Variants in MAPRE2 observed in about 807,000 individuals in gnomAD.
MAPRE2 encodes the protein microtubule-associated protein RP/EB family member 2.
Under a neutral mutation model 43.2 loss-of-function variants are expected in MAPRE2, and 13 were observed. The ratio of observed to expected loss-of-function variants is 0.30; its 90% CI spans 0.20 to 0.48. The LOEUF is 0.48. MAPRE2 is among the 20% of genes least tolerant of loss of function. The probability of loss-of-function intolerance (pLI) is 0.99; values close to 1 mark genes in which losing one functional copy is unlikely to be tolerated. For synonymous variants in MAPRE2, 135 were observed against 148.8 expected (o/e 0.91, Z 0.68); for missense variants, 161 against 400.2 (o/e 0.40, Z 5.10).
At chr18:35,021,275 A>G (rs1455815930) in intron 2 of MAPRE2, among the ~76,000 whole-genome samples, 1 of 152,184 alleles carries the variant, frequency 6.6e-6, no homozygotes, top group Non-Finnish European at 1.5e-5. Flanking sequence ...GTGAGTTTTA[A>G]GATGACAGTC....
At chr18:35,113,279 A>G (rs751551397) in intron 4 of MAPRE2, among the ~76,000 whole-genome samples, 2 of 152,222 alleles carry the variant, frequency 1.3e-5, no homozygotes, top group Non-Finnish European at 2.9e-5. Context: ...TGGAGTTTCA[A>G]ATAGGAATCT....
At chr18:35,067,278 C>T (rs1906879112) in intron 1 of MAPRE2, among the ~76,000 whole-genome samples, 1 of 152,208 alleles carries the variant, frequency 6.6e-6, no homozygotes, top group Non-Finnish European at 1.5e-5. Context: ...AGTGCCTTGA[C>T]TTACCTTTGT....
intron 1 of MAPRE2, among the ~76,000 whole-genome samples, chr18:35,002,321 G>A (rs1399648703): frequency 6.6e-6 from 1 of 152,180 alleles, no homozygotes; most frequent in Non-Finnish European, 1.5e-5. Flanking sequence ...ATGCAGCACG[G>A]TTTGTTTAAC....
intron 2 of MAPRE2, among the ~76,000 whole-genome samples, 153 bp from the exon 3 acceptor site, chr18:35,097,292 TG>T (rs1235360430): frequency 6.6e-6 from 1 of 152,154 alleles, no homozygotes; most frequent in African/African-American, 2.4e-5. Context: ...CCAGATCCTG[TG>T]GACAAGGAGA....
intron 1 of MAPRE2, among the ~76,000 whole-genome samples, chr18:35,044,317 G>A (rs550175587): frequency 6.6e-6 from 1 of 152,278 alleles, no homozygotes; most frequent in Admixed American, 6.5e-5. Flanking sequence ...TGCAACCTCC[G>A]CCTCCCGGGT....
chr18:34,998,317 C>T (rs926389274), intron 1 of MAPRE2, among the ~76,000 whole-genome samples: 17 of 147,408 alleles, frequency 1.2e-4, no homozygotes, highest in Non-Finnish European at 1.9e-4. Context: ...CAGCATTTTT[C>T]TCTCTCTTTT....
At chr18:35,108,188 G>A (rs1277851879) in intron 4 of MAPRE2, among the ~76,000 whole-genome samples, 1 of 152,100 alleles carries the variant, frequency 6.6e-6, no homozygotes, top group Non-Finnish European at 1.5e-5. Context: ...TGTTCTCACT[G>A]TTCACTTCCC....
At chr18:35,024,762 C>A (rs958384570) in intron 2 of MAPRE2, among the ~76,000 whole-genome samples, 6 of 152,142 alleles carry the variant, frequency 3.9e-5, no homozygotes, top group African/African-American at 1.4e-4. Context: ...AGGATGGCAA[C>A]ATCTCTCATT....
chr18:35,092,259 T>C (rs1220805945), intron 2 of MAPRE2, among the ~76,000 whole-genome samples: 1 of 152,172 alleles, frequency 6.6e-6, no homozygotes, highest in Non-Finnish European at 1.5e-5. Flanking sequence ...CCATATCACC[T>C]GAAAATAGAT....
chr18:35,091,033 A>T (rs939699552), intron 2 of MAPRE2, among the ~76,000 whole-genome samples: 4 of 152,218 alleles, frequency 2.6e-5, no homozygotes, highest in South Asian at 4.1e-4. Context: ...CAATGGAAAC[A>T]TATAAAACAT....
intron 4 of MAPRE2, among the ~76,000 whole-genome samples, chr18:35,119,590 G>A (rs1411161367): frequency 1.3e-5 from 2 of 152,148 alleles, no homozygotes; most frequent in African/African-American, 4.8e-5. Context: ...GAATGAATTA[G>A]GATAATTTAG....
intron 6 of MAPRE2, among the ~76,000 whole-genome samples, chr18:35,133,561 G>A (rs681365): frequency 8.5e-5 from 13 of 152,128 alleles, no homozygotes; most frequent in Non-Finnish European, 1.9e-4. Context: ...TCTCCACAGC[G>A]CCATGAGACT....
chr18:35,096,697 CA>C (rs1252121189), intron 2 of MAPRE2, among the ~76,000 whole-genome samples: 1 of 151,802 alleles, frequency 6.6e-6, no homozygotes, highest in African/African-American at 2.4e-5. Context: ...TGGCTTATAA[CA>C]AAATTTAACA....
intron 4 of MAPRE2, among the ~76,000 whole-genome samples, chr18:35,118,838 G>T (rs1909537935): frequency 6.6e-6 from 1 of 152,156 alleles, no homozygotes; most frequent in African/African-American, 2.4e-5. Flanking sequence ...GAGTGGAGAA[G>T]GCAGGGCCTT....
Position 34,985,537 on chromosome 18 carries a change from T to TATATATATTATATATTATAA in MAPRE2, c.-70+8463_-70+8464insTATTATATATTATAAATATA, listed in dbSNP as rs1568962045. Among the ~76,000 whole-genome samples, 66 of 47,014 alleles carry TATATATATTATATATTATAA rather than the reference T, an allele frequency of 1.4e-3. 5 individuals are homozygous for TATATATATTATATATTATAA. Among genetic ancestry groups the TATATATATTATATATTATAA allele is most frequent in the African/African-American group, 5.8e-3 (62 of 10,672 alleles). The allele number at this position is 47,014 out of a possible 152,430, so 30.8% of individuals were successfully genotyped here. On this transcript the variant is annotated intron_variant, in intron 1 of 7. Coordinates refer to the MAPRE2 transcript ENST00000413393. The stretch of plus-strand genomic sequence containing the variant: ...TATATATTATATATTATAAATATAA[T>TATATATATTATATATTATAA]ATATAATATATATATTATATATTAT...
At chr18:35,134,888 C>T (rs759254386) in intron 6 of MAPRE2, among the ~76,000 whole-genome samples, 35 of 152,186 alleles carry the variant, frequency 2.3e-4, no homozygotes, top group South Asian at 1.0e-3. Flanking sequence ...TCTGGCACTG[C>T]GCTGACATCA....
intron 1 of MAPRE2, among the ~76,000 whole-genome samples, chr18:34,999,630 C>A (rs1483801656): frequency 6.6e-6 from 1 of 152,128 alleles, no homozygotes; most frequent in Non-Finnish European, 1.5e-5. Flanking sequence ...TTAATATATA[C>A]CACCCAAATC....
rs1359513279 is a variant in MAPRE2 at position 35,140,791 on chromosome 18, T to C, written c.*422T>C. 6.1e-6 allele frequency: 1 copy of C among 163,200 alleles called. No individual in the cohort carries two copies. The highest frequency in any genetic ancestry group is 2.4e-5 in the African/African-American group (1 of 41,944). The allele number at this position is 163,200 out of a possible 1,614,324, so 10.1% of individuals were successfully genotyped here. A position where few individuals can be genotyped will look rare whatever the true frequency, so the allele number is the denominator to read the frequency against. On this transcript the variant is annotated 3_prime_UTR_variant, in exon 7 of 7. Transcript: ENST00000300249. ...CAGTGTCACTAGATGTCACACACAT[T>C]TGTGGTGCTTTGATGTTTGCAAGTC...
intron 2 of MAPRE2, among the ~76,000 whole-genome samples, chr18:35,036,275 C>A (rs960098235): frequency 9.2e-5 from 14 of 152,076 alleles, no homozygotes; most frequent in Admixed American, 8.5e-4. Context: ...AATTTTACGA[C>A]CCCTTGCCTC....
Sources: gnomAD v4.1 joint callset for allele counts (sites outside exome capture counted in the v4.1 genomes callset) on GRCh38, gnomAD v4.1.1 for gene constraint, MANE v1.5 for transcripts, NCBI Gene and HGNC (gene_info 2026-07-23, HGNC 2026-07-21) for gene names.